UROS: variants seen among roughly 807,000 people sequenced by gnomAD.
The protein encoded by UROS is uroporphyrinogen-III synthase.
A neutral mutation model predicts 33.0 loss-of-function variants in UROS; 18 were observed. The ratio of observed to expected loss-of-function variants is 0.55; its 90% CI spans 0.38 to 0.81. The LOEUF (loss-of-function observed/expected upper bound fraction) is 0.81, where lower values mean the gene tolerates loss of function less well. UROS is among the 30% of genes least tolerant of loss of function. UROS has a pLI of 0.00. For synonymous variants in UROS, 114 were observed against 121.1 expected, an observed-to-expected ratio of 0.94 and a Z score of 0.38; for missense variants, 293 against 314.9, an observed-to-expected ratio of 0.93 and a Z score of 0.53.
chr10:125,799,600 C>T (rs900889743), intron 6 of UROS, among the ~76,000 whole-genome samples: 4 of 152,300 alleles, frequency 2.6e-5, no homozygotes, highest in Non-Finnish European at 4.4e-5. Flanking sequence ...TCATTCTTAT[C>T]TCTGACTCAC....
At chr10:125,819,015 T>C (rs146153873) in intron 1 of UROS, among the ~76,000 whole-genome samples, 1 of 152,194 alleles carries the variant, frequency 6.6e-6, no homozygotes, top group Non-Finnish European at 1.5e-5. Context: ...GATGCAGTCC[T>C]GCTCTGTCGC....
chr10:125,820,959 T>C (rs1283400319), intron 1 of UROS, among the ~76,000 whole-genome samples: 1 of 152,174 alleles, frequency 6.6e-6, no homozygotes, highest in Non-Finnish European at 1.5e-5. Flanking sequence ...AATTCACACT[T>C]TGACCATGAG....
Position 125,788,967 on chromosome 10 carries a change from G to A in UROS, c.699C>T (p.Ala233=), listed in dbSNP as rs1386484740. The change falls in exon 10 of 10, where the codon GCC becomes GCT. Residue 233 remains alanine, a synonymous_variant. Transcript: ENST00000368797. ...TGCAGCTTACAGGAAGGCCCTGGGC[G>A]GCCAGCGCGCGAGCCGTAGTGGGGC... ...AIGPTTARAL[A]AQGLPVSCTA... is the part of the protein sequence containing the mutation. The A allele has an allele frequency of 5.6e-6, 9 of 1,611,978 alleles. No individual in the cohort carries two copies. The highest frequency in any genetic ancestry group is 2.2e-5 in the East Asian group (1 of 44,850).
At chr10:125,802,480 T>C (rs571135129) in intron 6 of UROS, 1 of 987,660 alleles carries the variant, frequency 1.0e-6, no homozygotes, top group Admixed American at 6.0e-5. Context: ...TTCCTTTCAG[T>C]TGCTTAGCCT....
Position 125,802,657 on chromosome 10 carries a change from C to T in UROS, c.395-4512G>A, listed in dbSNP as rs572748961. 1.1e-5 allele frequency: 13 copies of T among 1,205,496 alleles called. No homozygotes were observed. The East Asian group carries it at 1.8e-4, about 17-fold the overall frequency. 74.7% of individuals were successfully genotyped at this position (1,205,496 alleles called of 1,614,324 possible). ...CTACCACAGATTACAGTCTCCTGAACTGTATGTTTTTAGCTTGAAAATGTC... is the reference window on the plus strand; with the variant it reads ...CTACCACAGATTACAGTCTCCTGAATTGTATGTTTTTAGCTTGAAAATGTC... On this transcript the variant is annotated intron_variant, in intron 6 of 9. Coordinates refer to ENST00000368797, the MANE Select transcript of UROS (RefSeq NM_000375.3).
chr10:125,792,881 G>A (rs2133815055), intron 9 of UROS: 1 of 152,474 alleles, frequency 6.6e-6, no homozygotes, highest in Admixed American at 6.5e-5. Context: ...CAGTGTCGAG[G>A]GACAACTCAC....
chr10:125,796,222 G>A (rs369284052), intron 7 of UROS, 34 bp from the exon 8 acceptor site: 56 of 1,598,676 alleles, frequency 3.5e-5, no homozygotes, highest in Non-Finnish European at 4.1e-5. Flanking sequence ...AGACTTTACC[G>A]CACTGGGCAC....
At chr10:125,796,305 G>C in intron 7 of UROS, 117 bp from the exon 8 acceptor site, 1 of 1,045,126 alleles carries the variant, frequency 9.6e-7, no homozygotes, top group Non-Finnish European at 1.5e-6. Flanking sequence ...CCTGGAACGA[G>C]CTGCTTGGAA....
chr10:125,818,351 G>T (rs927072643), intron 1 of UROS, among the ~76,000 whole-genome samples: 1 of 151,994 alleles, frequency 6.6e-6, no homozygotes, highest in Non-Finnish European at 1.5e-5. Flanking sequence ...CAAGGAGCCG[G>T]GCATAGTGGC....
intron 5 of UROS, among the ~76,000 whole-genome samples, chr10:125,811,225 A>G (rs143592666): frequency 0.012 from 1,825 of 152,362 alleles, 11 homozygotes; most frequent in Middle Eastern, 0.024. Flanking sequence ...AATGTGTGAA[A>G]GTTTGGAAAA....
At chr10:125,802,812 G>T (rs113321460) in intron 6 of UROS, 11 of 1,464,632 alleles carry the variant, frequency 7.5e-6, no homozygotes, top group African/African-American at 7.1e-5. Flanking sequence ...TCTGTGCGAG[G>T]CCCTGTGCGC....
chr10:125,796,012 T>C (rs971768030), intron 8 of UROS, 91 bp downstream of exon 8: 3 of 1,157,526 alleles, frequency 2.6e-6, no homozygotes, highest in South Asian at 2.4e-5. Context: ...AAACCACATA[T>C]AGAACCAACA....
intron 1 of UROS, among the ~76,000 whole-genome samples, chr10:125,817,974 A>G (rs1449997872): frequency 1.3e-5 from 2 of 152,222 alleles, no homozygotes; most frequent in Non-Finnish European, 2.9e-5. Flanking sequence ...GTAAACAGAG[A>G]AAATATTTCT....
chr10:125,787,167 G>A (rs996885427), downstream of UROS, among the ~76,000 whole-genome samples: 38 of 152,218 alleles, frequency 2.5e-4, no homozygotes, highest in Non-Finnish European at 4.1e-4. Context: ...GGACACACGT[G>A]TGGTGTTTAC....
At chr10:125,807,060 G>T in intron 6 of UROS, 1 of 272,720 alleles carries the variant, frequency 3.7e-6, no homozygotes, top group Non-Finnish European at 7.1e-6. Context: ...CTCCTGAGAA[G>T]GGAAAGGACA....
chr10:125,819,487 G>A (rs896470988), intron 1 of UROS, among the ~76,000 whole-genome samples: 17 of 152,066 alleles, frequency 1.1e-4, no homozygotes, highest in Non-Finnish European at 1.9e-4. Context: ...TCTGCTGGAG[G>A]CATCTGATCC....
At chr10:125,789,049 G>A (rs1236678593) in intron 9 of UROS, 44 bp from the exon 10 acceptor site, 3 of 1,609,442 alleles carry the variant, frequency 1.9e-6, no homozygotes, top group Admixed American at 1.7e-5. Flanking sequence ...ACACCAGGAG[G>A]GGCTGGGGCA....
At chr10:125,803,684 C>G (rs1342501008) in intron 6 of UROS, among the ~76,000 whole-genome samples, 1 of 152,240 alleles carries the variant, frequency 6.6e-6, no homozygotes, top group East Asian at 1.9e-4. Flanking sequence ...CAGCCTGAGT[C>G]TGACCCGCAG....
At chr10:125,814,783 C>A (rs1033400014) in intron 4 of UROS, among the ~76,000 whole-genome samples, 8 of 152,118 alleles carry the variant, frequency 5.3e-5, no homozygotes, top group African/African-American at 1.7e-4. Context: ...CAGATGATAC[C>A]TTCTAAGGGG....
Sources: gnomAD v4.1 joint callset for allele counts (sites outside exome capture counted in the v4.1 genomes callset) on GRCh38, gnomAD v4.1.1 for gene constraint, MANE v1.5 for transcripts, NCBI Gene and HGNC (gene_info 2026-07-23, HGNC 2026-07-21) for gene names.